NEO1: variants seen among roughly 807,000 people sequenced by gnomAD.
NEO1 encodes neogenin 1, also known as neogenin.
A neutral mutation model predicts 159.7 loss-of-function variants in NEO1; 63 were observed. That is an observed-to-expected ratio of 0.39 (90% CI 0.32 to 0.49). The LOEUF is 0.49. Among genes scored for constraint, NEO1 ranks in the 20% least tolerant of loss-of-function variants. The probability of loss-of-function intolerance (pLI) is 0.85; values close to 1 mark genes in which losing one functional copy is unlikely to be tolerated. For missense variants in NEO1, 1,615 were observed against 1,831.0 expected, an observed-to-expected ratio of 0.88 and a Z score of 2.15; for synonymous variants, 633 against 662.0, an observed-to-expected ratio of 0.96 and a Z score of 0.67.
intron 5 of NEO1, among the ~76,000 whole-genome samples, chr15:73,170,641 C>T (rs942333313): frequency 2.0e-5 from 3 of 152,068 alleles, no homozygotes; most frequent in Non-Finnish European, 4.4e-5. Context: ...GCTCTTAATA[C>T]TTAAATGAAA....
intron 8 of NEO1, among the ~76,000 whole-genome samples, chr15:73,239,651 G>A (rs751640737): frequency 2.6e-5 from 4 of 152,220 alleles, no homozygotes; most frequent in East Asian, 1.9e-4. Flanking sequence ...GTGCAGGTTC[G>A]TAGCCTAGAA....
chr15:73,284,169 AAAAGG>A (rs1567692865), intron 23 of NEO1, among the ~76,000 whole-genome samples: 1 of 152,230 alleles, frequency 6.6e-6, no homozygotes, highest in Non-Finnish European at 1.5e-5. Flanking sequence ...ATAGAAAAAA[AAAAGG>A]AGATTCCTGA....
chr15:73,127,926 G>A (rs1373322679), intron 4 of NEO1, among the ~76,000 whole-genome samples: 1 of 152,168 alleles, frequency 6.6e-6, no homozygotes. Context: ...CAGATCTAGA[G>A]TTTCCCAGTT....
At chr15:73,289,057 T>C in intron 24 of NEO1, 89 bp from the exon 25 acceptor site, 1 of 962,890 alleles carries the variant, frequency 1.0e-6, no homozygotes, top group East Asian at 2.6e-5. Flanking sequence ...TTGTGAATTC[T>C]GAATCCCCTA....
Position 73,153,777 on chromosome 15 carries a change from C to G in NEO1, c.1015+17750C>G, listed in dbSNP as rs76969681. On this transcript the variant is annotated intron_variant, in intron 5 of 28. Coordinates refer to ENST00000261908, the MANE Select transcript of NEO1 (RefSeq NM_002499.4). Reference sequence around the variant, plus strand: ...CTGATACTGAACAAAATTTAGTTCTCTCTTGTAAAACCCTATGTAGAGGTA... The same window carrying G: ...CTGATACTGAACAAAATTTAGTTCTGTCTTGTAAAACCCTATGTAGAGGTA... 3.1e-3 allele frequency among the ~76,000 whole-genome samples: 467 copies of G among 152,276 alleles called. 1 individual carries two copies. The highest frequency in any genetic ancestry group is 0.01 in the African/African-American group (435 of 41,532).
At chr15:73,212,546 A>G (rs2037640055) in intron 7 of NEO1, among the ~76,000 whole-genome samples, 3 of 152,180 alleles carry the variant, frequency 2.0e-5, no homozygotes. Context: ...TCGACCTTCC[A>G]TGCTAAAACT....
rs188662969 is a variant in NEO1, at chr15:73,273,061, A to C, written c.2965+499A>C. Among the ~76,000 whole-genome samples the C allele has an allele frequency of 6.8e-5, 10 of 146,590 alleles. No homozygotes were observed. The East Asian group carries it at 1.6e-3, about 24-fold the overall frequency. ...TTCAAGTACCTGTGCTCTTATAATT[A>C]GAGTTAAAAGTGAACTTGCCTAGGT... On this transcript the variant is annotated intron_variant, in intron 19 of 28. Coordinates refer to ENST00000261908, the MANE Select transcript of NEO1 (RefSeq NM_002499.4).
At chr15:73,216,278 C>G (rs1290705017) in intron 7 of NEO1, among the ~76,000 whole-genome samples, 2 of 152,126 alleles carry the variant, frequency 1.3e-5, no homozygotes, top group Admixed American at 1.3e-4. Context: ...TTTTTTATGG[C>G]TGCATAGTAT....
At chr15:73,103,102 G>C (rs1214650396) in intron 1 of NEO1, among the ~76,000 whole-genome samples, 3 of 151,782 alleles carry the variant, frequency 2.0e-5, no homozygotes, top group African/African-American at 7.3e-5. Flanking sequence ...CACTATTGCT[G>C]CTTTCCTAAA....
intron 7 of NEO1, among the ~76,000 whole-genome samples, chr15:73,222,296 G>A (rs1490937899): frequency 2.6e-5 from 4 of 151,328 alleles, no homozygotes; most frequent in Admixed American, 2.6e-4. Context: ...AGTAGAGACG[G>A]GGTTTCACCG....
chr15:73,138,247 G>A (rs534267199), intron 5 of NEO1, among the ~76,000 whole-genome samples: 8 of 152,308 alleles, frequency 5.3e-5, no homozygotes, highest in Middle Eastern at 3.4e-3. Context: ...GTTGATTTGA[G>A]AAATCTGGTA....
At chr15:73,069,089 G>T (rs1355926687) in intron 1 of NEO1, among the ~76,000 whole-genome samples, 1 of 151,252 alleles carries the variant, frequency 6.6e-6, no homozygotes, top group Non-Finnish European at 1.5e-5. Flanking sequence ...AAGTAGCTGG[G>T]ACTACAGTCA....
intron 1 of NEO1, among the ~76,000 whole-genome samples, chr15:73,097,587 C>T (rs2070132329): frequency 6.6e-6 from 1 of 151,976 alleles, no homozygotes; most frequent in South Asian, 2.1e-4. Flanking sequence ...TCCGGAACTC[C>T]TGACTTCAGG....
intron 5 of NEO1, among the ~76,000 whole-genome samples, chr15:73,151,369 A>G (rs1198699669): frequency 6.6e-6 from 1 of 152,166 alleles, no homozygotes; most frequent in African/African-American, 2.4e-5. Context: ...ATACCTGAAA[A>G]TAGTGGACAA....
intron 1 of NEO1, among the ~76,000 whole-genome samples, chr15:73,094,285 C>T (rs556303660): frequency 1.8e-4 from 28 of 152,216 alleles, no homozygotes; most frequent in African/African-American, 5.5e-4. Context: ...TTTACCTATT[C>T]GGGATATTTC....
rs948774194 is a variant in NEO1, at chr15:73,284,579, CTT to C, written c.3410+1486_3410+1487del. On this transcript the variant is annotated intron_variant, in intron 23 of 28. Coordinates refer to ENST00000261908, the MANE Select transcript of NEO1 (RefSeq NM_002499.4). ...TGACCACTGCCTCTTATAGCTCTTC[CTT>C]TTTTTTTTTTTTTTTTTCTTTTGAG... is the stretch of plus-strand genomic sequence containing the variant. Among the ~76,000 whole-genome samples, 1,343 of 137,122 alleles carry C rather than the reference CTT, an allele frequency of 9.8e-3. 11 individuals carry two copies. The highest frequency in any genetic ancestry group is 0.045 in the East Asian group (211 of 4,736). 90.0% of individuals were successfully genotyped at this position (137,122 alleles called of 152,430 possible).
intron 5 of NEO1, among the ~76,000 whole-genome samples, chr15:73,167,276 A>T (rs1198552705): frequency 1.5e-5 from 1 of 65,132 alleles, no homozygotes; most frequent in Non-Finnish European, 4.4e-5. Flanking sequence ...AGGTATAATT[A>T]AAAAAAAAAA....
chr15:73,052,746 T>TCGGGCGCCGGGCGC lies in NEO1; in HGVS notation c.81_94dup (p.Ala32GlyfsTer46). On this transcript the variant is annotated frameshift_variant, in exon 1 of 29. Coordinates refer to ENST00000261908, the MANE Select transcript of NEO1 (RefSeq NM_002499.4). LOFTEE classifies it high-confidence loss of function. ...TTCTGGCTCTACTGCCTGCTGCTGC[T>TCGGGCGCCGGGCGC]CGGGCGCCGGGCGCCGGGCGCCGCG... 7.8e-7 allele frequency: 1 copy of TCGGGCGCCGGGCGC among 1,289,216 alleles called. No homozygotes were observed. Among genetic ancestry groups the TCGGGCGCCGGGCGC allele is most frequent in the Non-Finnish European group, 9.9e-7 (1 of 1,011,998 alleles). The allele number at this position is 1,289,216 out of a possible 1,614,324, so 79.9% of individuals were successfully genotyped here. A position where few individuals can be genotyped will look rare whatever the true frequency, so the allele number is the denominator to read the frequency against.
intron 1 of NEO1, among the ~76,000 whole-genome samples, chr15:73,094,081 G>A (rs1193842987): frequency 2.6e-5 from 4 of 151,660 alleles, no homozygotes; most frequent in African/African-American, 4.8e-5. Flanking sequence ...TTTTAATTGC[G>A]ATATAACTCA....
Sources: allele counts gnomAD v4.1 joint callset (sites outside exome capture counted in the v4.1 genomes callset), GRCh38; gene constraint gnomAD v4.1.1; transcripts MANE v1.5; gene names NCBI Gene and HGNC (gene_info 2026-07-23, HGNC 2026-07-21).